Variants in SH3BGR observed in about 807,000 individuals in gnomAD.
The protein encoded by SH3BGR is SH3 domain-binding glutamic acid-rich protein.
A neutral mutation model predicts 24.5 loss-of-function variants in SH3BGR; 29 were observed. The observed-to-expected ratio is 1.18, with a 90% CI of 0.88 to 1.61. The LOEUF is 1.61. SH3BGR is among the 40% of genes most tolerant of loss of function. The probability of loss-of-function intolerance (pLI) is 0.00; values close to 1 mark genes in which losing one functional copy is unlikely to be tolerated. For missense variants in SH3BGR, 162 were observed against 205.8 expected (o/e 0.79, Z 1.30); for synonymous variants, 55 against 65.7 (o/e 0.84, Z 0.79).
intron 4 of SH3BGR, 47 bp from the exon 5 acceptor site, chr21:39,508,951 G>T (rs74857292): frequency 0.063 from 85,293 of 1,353,004 alleles, 3,407 homozygotes; most frequent in African/African-American, 0.18. Context: ...GACTTTAAAC[G>T]TACTTGAATT....
At chr21:39,454,568 G>C (rs1173810667) in intron 1 of SH3BGR, among the ~76,000 whole-genome samples, 1 of 152,134 alleles carries the variant, frequency 6.6e-6, no homozygotes, top group African/African-American at 2.4e-5. Flanking sequence ...AGTGGGGCAG[G>C]GGGGACAAAG....
chr21:39,485,692 T>C (rs1002863892), intron 3 of SH3BGR, among the ~76,000 whole-genome samples: 4 of 149,498 alleles, frequency 2.7e-5, no homozygotes, highest in Admixed American at 6.6e-5. Flanking sequence ...TTTTCTTTTT[T>C]TTTTTTTTTT....
At chr21:39,493,166 G>T (rs1163609517) in intron 3 of SH3BGR, among the ~76,000 whole-genome samples, 1 of 152,044 alleles carries the variant, frequency 6.6e-6, no homozygotes, top group Non-Finnish European at 1.5e-5. Context: ...ATTTGCTTTT[G>T]GGTTCTTGGT....
chr21:39,478,394 C>T (rs923563092), intron 3 of SH3BGR, among the ~76,000 whole-genome samples: 1 of 152,184 alleles, frequency 6.6e-6, no homozygotes, highest in African/African-American at 2.4e-5. Context: ...CGTCTGATGC[C>T]AGTCTGTCTC....
intron 4 of SH3BGR, among the ~76,000 whole-genome samples, chr21:39,502,653 C>A (rs1569173543): frequency 6.6e-6 from 1 of 152,226 alleles, no homozygotes; most frequent in Non-Finnish European, 1.5e-5. Context: ...GTTTTGAAGA[C>A]CCTGTCCTCC....
chr21:39,471,228 A>C (rs2077934707), intron 2 of SH3BGR, among the ~76,000 whole-genome samples: 1 of 152,126 alleles, frequency 6.6e-6, no homozygotes, highest in Non-Finnish European at 1.5e-5. Flanking sequence ...TATCTACTTT[A>C]GAATTATTGA....
intron 3 of SH3BGR, chr21:39,491,594 G>T (rs73370028): frequency 1.3e-5 from 3 of 239,846 alleles, no homozygotes; most frequent in East Asian, 1.1e-4. Flanking sequence ...GGTCTAAGTA[G>T]GGGTGGAGGT....
intron 4 of SH3BGR, among the ~76,000 whole-genome samples, chr21:39,507,164 A>C (rs1001493525): frequency 3.3e-5 from 5 of 152,166 alleles, no homozygotes; most frequent in African/African-American, 1.2e-4. Flanking sequence ...CCCAGTGCTG[A>C]AAAAGTCCTC....
chr21:39,505,346 GCTTA>G lies in SH3BGR; in HGVS notation c.406-3647_406-3644del, dbSNP rs372616856. 1.6e-4 allele frequency among the ~76,000 whole-genome samples: 24 copies of G among 152,286 alleles called. No homozygotes were observed. The East Asian group carries it at 4.4e-3, about 28-fold the overall frequency. Reference sequence around the variant, plus strand: ...GTGGTAATACCCAAAGTTCTTCCAAGCTTACTTATCCTTTCGAGGCTAAGTATTT... The same window carrying G: ...GTGGTAATACCCAAAGTTCTTCCAAGCTTATCCTTTCGAGGCTAAGTATTT... On this transcript the variant is annotated intron_variant, in intron 4 of 6. Transcript: ENST00000333634.
intron 1 of SH3BGR, among the ~76,000 whole-genome samples, chr21:39,460,833 A>T (rs974872790): frequency 6.6e-6 from 1 of 152,162 alleles, no homozygotes; most frequent in Non-Finnish European, 1.5e-5. Flanking sequence ...TTTGTCACCC[A>T]AGCTGGAGTG....
intron 1 of SH3BGR, among the ~76,000 whole-genome samples, chr21:39,459,763 T>G (rs111613296): frequency 9.2e-5 from 14 of 151,376 alleles, no homozygotes; most frequent in Non-Finnish European, 2.1e-4. Flanking sequence ...CGACAAAAAT[T>G]TGTTTGCCCA....
intron 3 of SH3BGR, among the ~76,000 whole-genome samples, chr21:39,484,338 G>A (rs776614706): frequency 6.6e-6 from 1 of 152,068 alleles, no homozygotes; most frequent in African/African-American, 2.4e-5. Context: ...ATTAACTGGG[G>A]TACCAAAGTC....
chr21:39,460,523 C>A (rs1177760353), intron 1 of SH3BGR, among the ~76,000 whole-genome samples: 2 of 151,858 alleles, frequency 1.3e-5, no homozygotes, highest in Admixed American at 6.6e-5. Flanking sequence ...ACTCTGTCGC[C>A]CAGGCTGGAG....
intron 2 of SH3BGR, among the ~76,000 whole-genome samples, chr21:39,463,452 T>C (rs1473644447): frequency 3.9e-5 from 6 of 152,058 alleles, no homozygotes; most frequent in Non-Finnish European, 8.8e-5. Flanking sequence ...AACTTAGAGG[T>C]CATCTAAGCC....
intron 2 of SH3BGR, among the ~76,000 whole-genome samples, chr21:39,463,138 C>T (rs931311837): frequency 2.6e-5 from 4 of 152,202 alleles, no homozygotes; most frequent in Admixed American, 1.3e-4. Flanking sequence ...CCTGCCTTGG[C>T]CTCCCAAAGT....
intron 3 of SH3BGR, among the ~76,000 whole-genome samples, chr21:39,493,517 G>A (rs945880294): frequency 6.6e-6 from 1 of 152,120 alleles, no homozygotes; most frequent in Non-Finnish European, 1.5e-5. Flanking sequence ...GGTGACTATG[G>A]CCTTATACTA....
At position 39,462,503 on chromosome 21, in the gene SH3BGR, A is replaced by T; in HGVS notation, c.174A>T (p.Lys58Asn). 1.2e-6 allele frequency: 2 copies of T among 1,608,036 alleles called. No homozygotes were observed. The highest frequency in any genetic ancestry group is 1.7e-6 in the Non-Finnish European group (2 of 1,178,792). Reference sequence around the variant, plus strand: ...GAGAGAATGTTCCTGGAGAGAAAAAACCTCAAAATGGGATTCCTTTGCCTC... The same window carrying T: ...GAGAGAATGTTCCTGGAGAGAAAAATCCTCAAAATGGGATTCCTTTGCCTC... ...WMRENVPGEK[K>N]PQNGIPLPPQ... The change falls in exon 2 of 7, where the codon AAA becomes AAT. Residue 58 changes from lysine (K) to asparagine (N), a missense_variant. Transcript: ENST00000333634.
At chr21:39,452,235 C>T (rs2837037) in intron 1 of SH3BGR, 94 bp downstream of exon 1, 276,097 of 1,450,360 alleles carry the variant, frequency 0.19, 27,636 homozygotes, top group Middle Eastern at 0.29. Context: ...TTCTTTTTTG[C>T]GTGTAGTCAG....
intron 2 of SH3BGR, among the ~76,000 whole-genome samples, chr21:39,468,542 G>T (rs1306450508): frequency 6.6e-6 from 1 of 151,872 alleles, no homozygotes; most frequent in East Asian, 2.0e-4. Flanking sequence ...GTACTCGATC[G>T]ATCCTCTTGC....
Sources: gnomAD v4.1 joint callset for allele counts (sites outside exome capture counted in the v4.1 genomes callset) on GRCh38, gnomAD v4.1.1 for gene constraint, MANE v1.5 for transcripts, NCBI Gene and HGNC (gene_info 2026-07-23, HGNC 2026-07-21) for gene names.